The following STARD13 variants were observed in gnomAD, a reference collection of about 807,000 sequenced individuals.
STARD13 encodes StAR related lipid transfer domain containing 13.
In STARD13, 62 loss-of-function variants were observed where a neutral mutation model predicts 106.4. That is an observed-to-expected ratio of 0.58 (90% CI 0.48 to 0.72). The LOEUF (loss-of-function observed/expected upper bound fraction) is 0.72. Ranked by LOEUF, STARD13 falls within the 30% of genes least tolerant of loss-of-function variation. The probability of loss-of-function intolerance (pLI) is 0.00; values close to 1 mark genes in which losing one functional copy is unlikely to be tolerated. For synonymous variants in STARD13, 565 were observed against 553.0 expected (o/e 1.02, Z -0.31); for missense variants, 1,387 against 1,424.0 (o/e 0.97, Z 0.42).
intron 3 of STARD13, among the ~76,000 whole-genome samples, chr13:33,152,817 A>T (rs1566029076): frequency 1.3e-5 from 2 of 152,206 alleles, no homozygotes. Flanking sequence ...CTAGTCTGGG[A>T]AATGTGCCTG....
At chr13:33,672,077 T>C in the STARD13 span, among the ~76,000 whole-genome samples, 1 of 152,210 alleles carries the variant, frequency 6.6e-6, no homozygotes, top group Non-Finnish European at 1.5e-5. Flanking sequence ...TGTATGTTTA[T>C]TGCAGCACTG....
chr13:33,654,274 T>C, the STARD13 span, among the ~76,000 whole-genome samples: 1 of 152,186 alleles, frequency 6.6e-6, no homozygotes, highest in African/African-American at 2.4e-5. Context: ...AGAATTAAAG[T>C]ATTACTCAAC....
At chr13:33,350,159 G>T in intron 1 of STARD13, 1 of 1,242,366 alleles carries the variant, frequency 8.0e-7, no homozygotes, top group South Asian at 2.4e-5. Flanking sequence ...CCCGCAGCCC[G>T]CTCGCCCCGG....
the STARD13 span, among the ~76,000 whole-genome samples, chr13:33,476,820 C>G: frequency 9.2e-5 from 14 of 152,252 alleles, no homozygotes; most frequent in African/African-American, 3.4e-4. Context: ...ATTAATGAAG[C>G]CTTTTGACTT....
chr13:33,653,172 C>A, the STARD13 span, among the ~76,000 whole-genome samples: 1 of 152,082 alleles, frequency 6.6e-6, no homozygotes, highest in African/African-American at 2.4e-5. Context: ...AATTGAGAAG[C>A]AGATCCTAAA....
chr13:33,396,394 T>G, the STARD13 span, among the ~76,000 whole-genome samples: 1 of 151,826 alleles, frequency 6.6e-6, no homozygotes, highest in Non-Finnish European at 1.5e-5. Flanking sequence ...AAAAATAAGT[T>G]GTATTTTCAA....
At chr13:33,233,009 G>A (rs9527244) in intron 1 of STARD13, among the ~76,000 whole-genome samples, 24,795 of 152,208 alleles carry the variant, frequency 0.16, 2,647 homozygotes, top group Admixed American at 0.32. Flanking sequence ...GACATTCTGT[G>A]CTGAGAACAG....
rs1008844204 is a variant in STARD13, at chr13:33,130,359, G to A, written c.388-70C>T. Reference sequence around the variant, plus strand: ...GAAGCAGGAACTCTGGGTGCTCTGAGGGCAGCCCTGTGTGGTCCTCCACCT... The same window carrying A: ...GAAGCAGGAACTCTGGGTGCTCTGAAGGCAGCCCTGTGTGGTCCTCCACCT... On this transcript the variant is annotated intron_variant, in intron 4 of 13. Transcript: ENST00000336934. The surrounding 1 kb of genome is among the most constrained non-coding windows in gnomAD (Gnocchi z 4.1). The A allele has an allele frequency of 4.0e-6, 6 of 1,499,756 alleles. No individual in the cohort carries two copies. In the African/African-American group the frequency reaches 6.8e-5, roughly 17 times the overall value. 92.9% of individuals were successfully genotyped at this position (1,499,756 alleles called of 1,614,324 possible).
chr13:33,290,592 C>G (rs1254942318), upstream of STARD13, among the ~76,000 whole-genome samples: 1 of 152,262 alleles, frequency 6.6e-6, no homozygotes, highest in Non-Finnish European at 1.5e-5. Flanking sequence ...GAGTCCAGAT[C>G]CTGCCGCAAA....
chr13:33,162,052 T>C (rs1594006982), intron 3 of STARD13, among the ~76,000 whole-genome samples: 1 of 152,162 alleles, frequency 6.6e-6, no homozygotes, highest in Admixed American at 6.5e-5. Flanking sequence ...GAGATTTGGG[T>C]GGGGACACAG....
At chr13:33,410,278 A>C in the STARD13 span, among the ~76,000 whole-genome samples, 1 of 152,220 alleles carries the variant, frequency 6.6e-6, no homozygotes, top group Non-Finnish European at 1.5e-5. Flanking sequence ...GGTGTCACGG[A>C]AGATGCTAAT....
the STARD13 span, among the ~76,000 whole-genome samples, chr13:33,407,683 CT>C: frequency 6.6e-6 from 1 of 152,196 alleles, no homozygotes; most frequent in South Asian, 2.1e-4. Flanking sequence ...TTAAATGAAT[CT>C]TGTTATTTTC....
chr13:33,385,043 A>G, the STARD13 span, among the ~76,000 whole-genome samples: 2 of 150,232 alleles, frequency 1.3e-5, no homozygotes, highest in African/African-American at 2.5e-5. Context: ...CGGAATATAT[A>G]TATATACACA....
intron 1 of STARD13, among the ~76,000 whole-genome samples, chr13:33,308,520 C>CTTT (rs552526416): frequency 0.011 from 989 of 88,560 alleles, 25 homozygotes; most frequent in Non-Finnish European, 0.016. Context: ...CTTTTTCTTT[C>CTTT]TTTTTTTTTT....
intron 1 of STARD13, among the ~76,000 whole-genome samples, chr13:33,187,808 A>G (rs1885910733): frequency 6.6e-6 from 1 of 152,074 alleles, no homozygotes; most frequent in African/African-American, 2.4e-5. Context: ...TCAGCCTCTC[A>G]AGTAGCTGGG....
upstream of STARD13, among the ~76,000 whole-genome samples, chr13:33,289,746 T>G (rs1446134817): frequency 6.6e-6 from 1 of 152,088 alleles, no homozygotes; most frequent in Non-Finnish European, 1.5e-5. Flanking sequence ...TGAGAGTTGG[T>G]GTCTTCAAGT....
At chr13:33,544,114 GTTAAA>G in the STARD13 span, among the ~76,000 whole-genome samples, 2 of 152,166 alleles carry the variant, frequency 1.3e-5, no homozygotes, top group African/African-American at 2.4e-5. Flanking sequence ...TTCTTTAGCT[GTTAAA>G]TTAGAAATGA....
chr13:33,572,442 T>C, the STARD13 span, among the ~76,000 whole-genome samples: 1 of 152,280 alleles, frequency 6.6e-6, no homozygotes, highest in East Asian at 1.9e-4. Context: ...CCTTTTTCTG[T>C]CCATAAATCT....
the STARD13 span, among the ~76,000 whole-genome samples, chr13:33,665,459 A>G: frequency 6.6e-6 from 1 of 152,224 alleles, no homozygotes; most frequent in African/African-American, 2.4e-5. Context: ...CTACTCTTGT[A>G]CCTTTAATTA....
Sources: gnomAD v4.1 joint callset for allele counts (sites outside exome capture counted in the v4.1 genomes callset) on GRCh38, gnomAD v4.1.1 for gene constraint, Gnocchi (gnomAD v3.1) non-coding constraint, MANE v1.5 for transcripts, NCBI Gene and HGNC (gene_info 2026-07-23, HGNC 2026-07-21) for gene names.